Variants in ISM1 observed in about 807,000 individuals in gnomAD.
ISM1 encodes the protein isthmin 1.
Under a neutral mutation model 46.3 loss-of-function variants are expected in ISM1, and 25 were observed. That is an observed-to-expected ratio of 0.54 (90% confidence interval 0.39 to 0.75). The LOEUF (loss-of-function observed/expected upper bound fraction) is 0.75. Ranked by LOEUF, ISM1 falls within the 30% of genes least tolerant of loss-of-function variation. The pLI, the probability that ISM1 is intolerant of heterozygous loss-of-function variation, is 0.00. For missense variants in ISM1, 536 were observed against 625.4 expected (o/e 0.86, Z 1.52); for synonymous variants, 255 against 256.7 (o/e 0.99, Z 0.06).
chr20:13,313,911 T>G, the ISM1 span, among the ~76,000 whole-genome samples: 2 of 152,132 alleles, frequency 1.3e-5, no homozygotes, highest in Non-Finnish European at 2.9e-5. Flanking sequence ...AAACTGGCAA[T>G]GTAAGCAGAG....
At chr20:13,305,333 C>A (rs1463416692), downstream of ISM1, among the ~76,000 whole-genome samples, 4 of 152,094 alleles carry the variant, frequency 2.6e-5, no homozygotes, top group African/African-American at 9.7e-5. Context: ...TGACTACAGA[C>A]CCGTACTACT....
downstream of ISM1, among the ~76,000 whole-genome samples, chr20:13,302,871 GC>G (rs1318833550): frequency 1.3e-5 from 2 of 152,150 alleles, no homozygotes; most frequent in Non-Finnish European, 2.9e-5. Flanking sequence ...GCAGCCTATA[GC>G]TTTCTCTTCG....
chr20:13,286,628 G>A (rs556955336), intron 3 of ISM1, among the ~76,000 whole-genome samples: 3 of 152,254 alleles, frequency 2.0e-5, no homozygotes, highest in East Asian at 3.9e-4. Flanking sequence ...TCAGAGTTAG[G>A]GAGGAGGACA....
At chr20:13,265,054 G>A (rs1259393824) in intron 1 of ISM1, among the ~76,000 whole-genome samples, 1 of 152,188 alleles carries the variant, frequency 6.6e-6, no homozygotes, top group African/African-American at 2.4e-5. Flanking sequence ...TGGGCCCGAT[G>A]TGTATAATAT....
intron 1 of ISM1, among the ~76,000 whole-genome samples, chr20:13,243,397 T>G (rs574934141): frequency 1.3e-5 from 2 of 152,148 alleles, no homozygotes; most frequent in Non-Finnish European, 2.9e-5. Flanking sequence ...GGAAATGTAT[T>G]CCCTGATAAG....
the ISM1 span, among the ~76,000 whole-genome samples, chr20:13,306,564 C>CAAAAAAAAAAAAAAAAAAAAGA: frequency 4.1e-4 from 26 of 63,910 alleles, no homozygotes; most frequent in Non-Finnish European, 5.5e-4. Flanking sequence ...GGAGAAAGGA[C>CAAAAAAAAAAAAAAAAAAAAGA]AAAAAAAAAA....
At chr20:13,255,291 T>C (rs1568672668) in intron 1 of ISM1, among the ~76,000 whole-genome samples, 1 of 152,176 alleles carries the variant, frequency 6.6e-6, no homozygotes, top group Non-Finnish European at 1.5e-5. Flanking sequence ...AATGCTCTTT[T>C]TGTTGTTAGC....
rs2039443027 is a variant in ISM1 at position 13,221,309 on chromosome 20, C to T, written c.-468C>T. Reference sequence around the variant, plus strand: ...TCCCCGCGCTTCTCTGGCGGCCGCTCCCGCTCCAGCTGCGGCGCCGCGGCC... The same window carrying T: ...TCCCCGCGCTTCTCTGGCGGCCGCTTCCGCTCCAGCTGCGGCGCCGCGGCC... On this transcript the variant is annotated 5_prime_UTR_variant, in exon 1 of 6. Transcript: ENST00000262487. Among the ~76,000 whole-genome samples the T allele has an allele frequency of 1.4e-5, 2 of 146,540 alleles. No homozygotes were observed. Among genetic ancestry groups the T allele is most frequent in the Non-Finnish European group, 3.0e-5 (2 of 65,634 alleles).
chr20:13,270,027 AATGT>A (rs2040093979), intron 1 of ISM1, among the ~76,000 whole-genome samples: 1 of 152,088 alleles, frequency 6.6e-6, no homozygotes, highest in African/African-American at 2.4e-5. Flanking sequence ...CAAATGGATG[AATGT>A]ATGTAATGAA....
chr20:13,248,777 T>C (rs2039831181), intron 1 of ISM1, among the ~76,000 whole-genome samples: 1 of 152,240 alleles, frequency 6.6e-6, no homozygotes, highest in Non-Finnish European at 1.5e-5. Context: ...TTCCCTGTTC[T>C]GCATGACCTG....
At chr20:13,271,755 C>T (rs1323768533) in intron 2 of ISM1, among the ~76,000 whole-genome samples, 2 of 152,128 alleles carry the variant, frequency 1.3e-5, no homozygotes, top group African/African-American at 4.8e-5. Flanking sequence ...AGCCCCTATC[C>T]AACTCTCGTC....
chr20:13,252,120 C>T (rs992743149), intron 1 of ISM1, among the ~76,000 whole-genome samples: 10 of 152,236 alleles, frequency 6.6e-5, no homozygotes, highest in Admixed American at 2.6e-4. Context: ...GCCCTGTCTA[C>T]GGAGCCTTAA....
intron 1 of ISM1, among the ~76,000 whole-genome samples, chr20:13,269,567 C>G (rs1442734742): frequency 1.3e-5 from 2 of 152,194 alleles, no homozygotes; most frequent in Non-Finnish European, 2.9e-5. Flanking sequence ...AAGCTCATTC[C>G]CATCCTGGAC....
the ISM1 span, among the ~76,000 whole-genome samples, chr20:13,325,336 C>A: frequency 6.6e-6 from 1 of 152,206 alleles, no homozygotes; most frequent in Non-Finnish European, 1.5e-5. Flanking sequence ...ACGTGCCAAC[C>A]TCGTGCTTAA....
At chr20:13,232,422 T>C (rs765303499) in intron 1 of ISM1, among the ~76,000 whole-genome samples, 10 of 152,240 alleles carry the variant, frequency 6.6e-5, no homozygotes, top group Admixed American at 2.0e-4. Flanking sequence ...TTGCATGATA[T>C]GGCTTTTTGC....
intron 3 of ISM1, 44 bp from the exon 4 acceptor site, chr20:13,288,496 C>T: frequency 6.2e-7 from 1 of 1,600,180 alleles, no homozygotes; most frequent in South Asian, 1.1e-5. Flanking sequence ...GATTGGGAGA[C>T]TCTTTGGCCA....
the ISM1 span, among the ~76,000 whole-genome samples, chr20:13,317,863 T>C: frequency 1.3e-5 from 2 of 151,874 alleles, no homozygotes; most frequent in Non-Finnish European, 2.9e-5. Flanking sequence ...TAGGAGAAAA[T>C]CTAGATGACC....
chr20:13,300,028 C>T lies in ISM1; in HGVS notation c.*569C>T, dbSNP rs3789352. ...GAAATATATCAAAACATGTAAACGC[C>T]CACCTTAAACCAAATGTTATTTGGT... is the stretch of plus-strand genomic sequence containing the variant. On this transcript the variant is annotated 3_prime_UTR_variant, in exon 6 of 6. Coordinates refer to ENST00000262487, the MANE Select transcript of ISM1 (RefSeq NM_080826.2). 0.13 allele frequency: 19,951 copies of T among 152,220 alleles called. 1,388 individuals carry two copies. Among genetic ancestry groups the T allele is most frequent in the East Asian group, 0.2 (1,054 of 5,162 alleles). 9.4% of individuals were successfully genotyped at this position (152,220 alleles called of 1,614,324 possible).
intron 5 of ISM1, among the ~76,000 whole-genome samples, chr20:13,292,912 C>A (rs1174916398): frequency 6.6e-6 from 1 of 152,166 alleles, no homozygotes; most frequent in Admixed American, 6.5e-5. Context: ...TTTTTATACA[C>A]CGGGCCAGGC....
Sources: allele counts gnomAD v4.1 joint callset (sites outside exome capture counted in the v4.1 genomes callset), GRCh38; gene constraint gnomAD v4.1.1; transcripts MANE v1.5; gene names NCBI Gene and HGNC (gene_info 2026-07-23, HGNC 2026-07-21).